Variants in MYRFL observed in about 807,000 individuals in gnomAD.
The protein encoded by MYRFL is myelin regulatory factor like.
Under a neutral mutation model 109.4 loss-of-function variants are expected in MYRFL, and 88 were observed. The observed-to-expected ratio is 0.80, with a 90% confidence interval of 0.68 to 0.96. The LOEUF is 0.96. Among genes scored for constraint, MYRFL ranks in the 40% least tolerant of loss-of-function variants. The probability of loss-of-function intolerance (pLI) is 0.00; values close to 1 mark genes in which losing one functional copy is unlikely to be tolerated. For synonymous variants in MYRFL, 324 were observed against 320.9 expected (o/e 1.01, Z -0.10); for missense variants, 957 against 954.9 (o/e 1.00, Z -0.03).
At chr12:69,946,320 G>A (rs1464639973) in intron 19 of MYRFL, among the ~76,000 whole-genome samples, 1 of 152,086 alleles carries the variant, frequency 6.6e-6, no homozygotes, top group Non-Finnish European at 1.5e-5. Context: ...GTGATACACT[G>A]GGAAAGTTGT....
chr12:69,852,734 G>A (rs574280772), intron 1 of MYRFL, among the ~76,000 whole-genome samples: 3 of 151,948 alleles, frequency 2.0e-5, no homozygotes, highest in East Asian at 1.9e-4. Flanking sequence ...GGACCCTGCC[G>A]CCTTCCGCAG....
chr12:69,877,359 T>C (rs1885753928), intron 2 of MYRFL, among the ~76,000 whole-genome samples: 1 of 152,122 alleles, frequency 6.6e-6, no homozygotes, highest in Admixed American at 6.5e-5. Context: ...AACCAATCCT[T>C]TTGTTTTCAG....
At chr12:69,928,402 C>T (rs1955166253) in intron 15 of MYRFL, among the ~76,000 whole-genome samples, 1 of 152,240 alleles carries the variant, frequency 6.6e-6, no homozygotes, top group South Asian at 2.1e-4. Flanking sequence ...CTTGCTCCCT[C>T]TGATCCAGCA....
chr12:69,886,806 C>A lies in MYRFL; in HGVS notation c.557-14C>A. 1 of 1,535,688 alleles carries A rather than the reference C, an allele frequency of 6.5e-7. No homozygotes were observed. The highest frequency in any genetic ancestry group is 8.7e-7 in the Non-Finnish European group (1 of 1,146,668). ...GCCTGGAAGGAAGGCTCTGACGCAC[C>A]TGTTTCTTTGCAGTGACAAGTAGGA... On this transcript the variant is annotated splice_polypyrimidine_tract_variant and intron_variant, in intron 5 of 24. Coordinates refer to ENST00000552032, the MANE Select transcript of MYRFL (RefSeq NM_182530.3).
Position 69,927,728 on chromosome 12 carries a change from G to T in MYRFL, c.1810G>T (p.Val604Phe), listed in dbSNP as rs1206443693. The change falls in exon 15 of 25, where the codon GTT becomes TTT. Residue 604 changes from valine (V) to phenylalanine (F), a missense_variant. Val to Phe is a conservative substitution (Grantham distance 50, BLOSUM62 -1). Coordinates refer to ENST00000552032, the MANE Select transcript of MYRFL (RefSeq NM_182530.3). ...TAGTGCATCTTCTCCAAGAAGGGCC[G>T]TTCATAAAAAAAACAACAAGGTAAA... ...AVSASSPRRA[V>F]HKKNNKVYFS... is the part of the protein sequence containing the mutation. 2 of 1,531,924 alleles carry T rather than the reference G, an allele frequency of 1.3e-6. No homozygotes were observed. The highest frequency in any genetic ancestry group is 2.4e-5 in the South Asian group (2 of 83,282). The allele number at this position is 1,531,924 out of a possible 1,614,324, so 94.9% of individuals were successfully genotyped here. A position where few individuals can be genotyped will look rare whatever the true frequency, so the allele number is the denominator to read the frequency against.
chr12:69,957,275 C>T (rs1409581713), intron 22 of MYRFL, among the ~76,000 whole-genome samples: 1 of 152,170 alleles, frequency 6.6e-6, no homozygotes, highest in Admixed American at 6.5e-5. Context: ...TAAACAATAT[C>T]TGCCTAGACC....
At chr12:69,949,534 A>G (rs1565650932) in intron 19 of MYRFL, among the ~76,000 whole-genome samples, 1 of 152,082 alleles carries the variant, frequency 6.6e-6, no homozygotes, top group Non-Finnish European at 1.5e-5. Context: ...CTTACTTTAG[A>G]CCAAGCTTGT....
intron 13 of MYRFL, among the ~76,000 whole-genome samples, chr12:69,915,739 G>A (rs570725348): frequency 1.3e-5 from 2 of 152,204 alleles, no homozygotes; most frequent in South Asian, 4.2e-4. Context: ...TGAAAGCAAG[G>A]GGACCTGTAG....
chr12:69,892,492 C>G (rs1283279028), intron 7 of MYRFL, among the ~76,000 whole-genome samples: 1 of 152,092 alleles, frequency 6.6e-6, no homozygotes, highest in Non-Finnish European at 1.5e-5. Context: ...CTCACTACAG[C>G]CTCAACTTCC....
intron 19 of MYRFL, among the ~76,000 whole-genome samples, chr12:69,945,479 C>T (rs908089316): frequency 1.3e-5 from 2 of 152,162 alleles, no homozygotes; most frequent in African/African-American, 4.8e-5. Flanking sequence ...TACAGGTTTG[C>T]AGCCAAGAAG....
rs1592776789 is a variant in MYRFL at position 69,895,527 on chromosome 12, C to T, written c.1091+46C>T. 4.7e-6 allele frequency: 7 copies of T among 1,500,372 alleles called. No individual in the cohort carries two copies. The Admixed American group carries it at 7.9e-5, about 17-fold the overall frequency. 92.9% of individuals were successfully genotyped at this position (1,500,372 alleles called of 1,614,324 possible). The stretch of plus-strand genomic sequence containing the variant: ...ATGGCAGTGTGGCTGGGTACTTTAT[C>T]TGGCCAGGAAGTGCCCTCCTGGGGC... On this transcript the variant is annotated intron_variant, in intron 9 of 24. Coordinates refer to ENST00000552032, the MANE Select transcript of MYRFL (RefSeq NM_182530.3).
At chr12:69,827,811 A>G (rs1326834226) in intron 1 of MYRFL, among the ~76,000 whole-genome samples, 2 of 152,096 alleles carry the variant, frequency 1.3e-5, no homozygotes, top group Non-Finnish European at 2.9e-5. Flanking sequence ...TTAGATATAT[A>G]TAGATAACTT....
intron 13 of MYRFL, among the ~76,000 whole-genome samples, chr12:69,913,821 C>G (rs1266357894): frequency 1.3e-5 from 2 of 152,140 alleles, no homozygotes; most frequent in Non-Finnish European, 2.9e-5. Flanking sequence ...ATAGATCTTT[C>G]TATTTCTGCA....
intron 2 of MYRFL, among the ~76,000 whole-genome samples, chr12:69,861,718 A>G (rs564752352): frequency 5.3e-5 from 8 of 151,582 alleles, no homozygotes; most frequent in African/African-American, 1.9e-4. Flanking sequence ...CTCTGATGGT[A>G]GTTTCTTTTG....
chr12:69,878,586 A>C (rs967572379), intron 2 of MYRFL, among the ~76,000 whole-genome samples: 4 of 152,214 alleles, frequency 2.6e-5, no homozygotes, highest in African/African-American at 9.6e-5. Flanking sequence ...TGCCATTGGG[A>C]TATCTGTCAC....
chr12:69,935,564 T>C (rs1334124281), intron 16 of MYRFL, among the ~76,000 whole-genome samples: 2 of 152,222 alleles, frequency 1.3e-5, no homozygotes, highest in Non-Finnish European at 2.9e-5. Flanking sequence ...ACAAATACTT[T>C]CTTGCAGTTC....
intron 1 of MYRFL, among the ~76,000 whole-genome samples, chr12:69,853,803 G>T (rs1300616674): frequency 3.3e-5 from 5 of 151,228 alleles, no homozygotes; most frequent in Non-Finnish European, 7.4e-5. Flanking sequence ...GCCAGGCAGA[G>T]ACGCTCCTCA....
intron 2 of MYRFL, among the ~76,000 whole-genome samples, chr12:69,877,059 G>A (rs537341944): frequency 2.3e-5 from 2 of 86,180 alleles, no homozygotes; most frequent in South Asian, 3.6e-4. Context: ...AGTCTCGCTC[G>A]GTCAGCTAGG....
At chr12:69,927,197 G>T (rs1426109357) in intron 14 of MYRFL, among the ~76,000 whole-genome samples, 1 of 151,732 alleles carries the variant, frequency 6.6e-6, no homozygotes, top group East Asian at 1.9e-4. Context: ...CACCCACCTC[G>T]GCCTCCCAAA....
Sources: allele counts gnomAD v4.1 joint callset (sites outside exome capture counted in the v4.1 genomes callset), GRCh38; gene constraint gnomAD v4.1.1; transcripts MANE v1.5; gene names NCBI Gene and HGNC (gene_info 2026-07-23, HGNC 2026-07-21).